The following GPAT4 variants were observed in gnomAD, a reference collection of about 807,000 sequenced individuals.
GPAT4 encodes the protein 1-AGP acyltransferase 6.
A neutral mutation model predicts 58.0 loss-of-function variants in GPAT4; 17 were observed. The ratio of observed to expected loss-of-function variants is 0.29; its 90% CI spans 0.20 to 0.44. The LOEUF is 0.44. Among genes scored for constraint, GPAT4 ranks in the 20% least tolerant of loss-of-function variants. The pLI is 1.00. For missense variants in GPAT4, 377 were observed against 574.5 expected (o/e 0.66, Z 3.51); for synonymous variants, 204 against 210.1 (o/e 0.97, Z 0.25).
At chr8:41,614,104 G>A (rs995150696) in intron 8 of GPAT4, among the ~76,000 whole-genome samples, 9 of 152,226 alleles carry the variant, frequency 5.9e-5, no homozygotes, top group African/African-American at 2.2e-4. Context: ...CCTTGTGGCA[G>A]GTGTCTCTTT....
intron 4 of GPAT4, 133 bp from the exon 5 acceptor site, chr8:41,610,603 A>G: frequency 3.3e-6 from 5 of 1,536,498 alleles, no homozygotes; most frequent in Non-Finnish European, 3.5e-6. Context: ...TTCTAGGTGA[A>G]CTCTGGTCCA....
At chr8:41,601,577 A>G (rs936381747) in intron 2 of GPAT4, among the ~76,000 whole-genome samples, 1 of 152,172 alleles carries the variant, frequency 6.6e-6, no homozygotes, top group African/African-American at 2.4e-5. Flanking sequence ...TTTGTAAGCA[A>G]GTGGTTAATT....
At chr8:41,593,060 T>C (rs1358743927) in intron 1 of GPAT4, among the ~76,000 whole-genome samples, 1 of 152,228 alleles carries the variant, frequency 6.6e-6, no homozygotes, top group African/African-American at 2.4e-5. Context: ...ATATAGCCTT[T>C]TTCCCCATCA....
rs776233376 is a variant in GPAT4 at position 41,610,765 on chromosome 8, T to C, written c.566T>C (p.Leu189Pro). 6.2e-7 allele frequency: 1 copy of C among 1,612,234 alleles called. No homozygotes were observed. The highest frequency in any genetic ancestry group is 8.5e-7 in the Non-Finnish European group (1 of 1,179,102). ...RIALAFTGIS[L>P]LVVGTTVVGY... ...GCACTGGCTTTCACAGGGATTAGCC[T>C]TCTGGTGGTGGGCACAACTGTGGTG... Residue 189 changes from leucine (L) to proline (P), a missense_variant, in exon 5 of 13, where the codon CTT becomes CCT. By Grantham distance (98) the Leu-to-Pro change is moderately conservative (BLOSUM62 -3). Coordinates refer to ENST00000396987, the MANE Select transcript of GPAT4 (RefSeq NM_178819.4).
intron 8 of GPAT4, 102 bp from the exon 9 acceptor site, chr8:41,614,284 A>G: frequency 1.0e-6 from 1 of 998,938 alleles, no homozygotes. Flanking sequence ...TTAACTTTTT[A>G]TAATCGAAAC....
At chr8:41,611,585 C>A (rs1803446211) in intron 5 of GPAT4, among the ~76,000 whole-genome samples, 1 of 152,206 alleles carries the variant, frequency 6.6e-6, no homozygotes, top group Non-Finnish European at 1.5e-5. Context: ...GGAGGTTGGC[C>A]TCTGGCCTTG....
chr8:41,589,755 C>T (rs749534833), intron 1 of GPAT4, among the ~76,000 whole-genome samples: 5 of 152,184 alleles, frequency 3.3e-5, no homozygotes, highest in Non-Finnish European at 7.4e-5. Flanking sequence ...GATCTACACT[C>T]TGGCATGGGG....
intron 2 of GPAT4, among the ~76,000 whole-genome samples, chr8:41,600,581 A>G (rs1803060606): frequency 6.7e-6 from 1 of 150,080 alleles, no homozygotes; most frequent in African/African-American, 2.4e-5. Flanking sequence ...GTCTATAAGC[A>G]TATGGTGTTT....
At chr8:41,620,059 C>G (rs1803703470) in intron 12 of GPAT4, among the ~76,000 whole-genome samples, 1 of 152,230 alleles carries the variant, frequency 6.6e-6, no homozygotes, top group African/African-American at 2.4e-5. Flanking sequence ...ACTTTTAGAG[C>G]TTGAAGGTTT....
At chr8:41,609,144 C>T (rs969399673) in intron 2 of GPAT4, among the ~76,000 whole-genome samples, 7 of 152,192 alleles carry the variant, frequency 4.6e-5, no homozygotes, top group East Asian at 1.9e-4. Context: ...GACAGAGAGA[C>T]GTAGGCAGTG....
rs1803468029 is a variant in GPAT4 at position 41,612,276 on chromosome 8, A to G, written c.795+3A>G. ...CCAGCGATGGCTATTATGCCATGGT[A>G]AGAGCTCTTTCCGGTGCGTTCTTGA... On this transcript the variant is annotated splice_donor_region_variant and intron_variant, in intron 7 of 12. Transcript: ENST00000396987. The G allele has an allele frequency of 6.2e-7, 1 of 1,614,186 alleles. No individual in the cohort carries two copies. Among genetic ancestry groups the G allele is most frequent in the Non-Finnish European group, 8.5e-7 (1 of 1,179,970 alleles).
chr8:41,609,945 C>CTG lies in GPAT4; in HGVS notation c.527_528dup (p.Pro177CysfsTer5). 1 of 1,604,604 alleles carries CTG rather than the reference C, an allele frequency of 6.2e-7. No individual in the cohort carries two copies. The highest frequency in any genetic ancestry group is 8.5e-7 in the Non-Finnish European group (1 of 1,173,998). Reference sequence around the variant, plus strand: ...AGTGCTGATTCGGTACTGCTTTCTGCTGCCGCTCAGGTGAGGCAGGGCCTG... The same window carrying CTG: ...AGTGCTGATTCGGTACTGCTTTCTGCTGTGCCGCTCAGGTGAGGCAGGGCCTG... On this transcript the variant is annotated frameshift_variant, in exon 4 of 13. Coordinates refer to ENST00000396987, the MANE Select transcript of GPAT4 (RefSeq NM_178819.4). LOFTEE classifies it high-confidence loss of function.
intron 10 of GPAT4, among the ~76,000 whole-genome samples, chr8:41,616,917 C>T (rs1421829349): frequency 6.6e-6 from 1 of 152,124 alleles, no homozygotes; most frequent in Non-Finnish European, 1.5e-5. Context: ...CCAGCCATGA[C>T]CTGATGTGAG....
At chr8:41,608,260 C>T (rs1803338967) in intron 2 of GPAT4, among the ~76,000 whole-genome samples, 1 of 152,234 alleles carries the variant, frequency 6.6e-6, no homozygotes, top group Non-Finnish European at 1.5e-5. Flanking sequence ...GTGGTGCAGT[C>T]TTGCTGACCC....
At chr8:41,581,051 A>G (rs537492271) in intron 1 of GPAT4, among the ~76,000 whole-genome samples, 28 of 152,358 alleles carry the variant, frequency 1.8e-4, no homozygotes, top group African/African-American at 6.7e-4. Context: ...TTGTTTGGGT[A>G]AAGTAGAACC....
chr8:41,578,944 C>T (rs1802437335), intron 1 of GPAT4, among the ~76,000 whole-genome samples: 1 of 152,172 alleles, frequency 6.6e-6, no homozygotes, highest in South Asian at 2.1e-4. Context: ...GAAATAAGTT[C>T]CATCCTCTGC....
intron 2 of GPAT4, among the ~76,000 whole-genome samples, chr8:41,607,992 G>A (rs1172990779): frequency 6.6e-6 from 1 of 152,188 alleles, no homozygotes; most frequent in Non-Finnish European, 1.5e-5. Context: ...GAAACCAGAT[G>A]AGATTTACCT....
At chr8:41,604,616 A>G (rs1803206721) in intron 2 of GPAT4, among the ~76,000 whole-genome samples, 1 of 152,238 alleles carries the variant, frequency 6.6e-6, no homozygotes, top group Admixed American at 6.5e-5. Context: ...GGAGAGAAGA[A>G]AGCCTGGATG....
At chr8:41,601,981 G>C (rs1803114381) in intron 2 of GPAT4, among the ~76,000 whole-genome samples, 1 of 152,184 alleles carries the variant, frequency 6.6e-6, no homozygotes, top group Admixed American at 6.5e-5. Context: ...ATGAGACAGA[G>C]TCTTGCTCTT....
Sources: allele counts gnomAD v4.1 joint callset (sites outside exome capture counted in the v4.1 genomes callset), GRCh38; gene constraint gnomAD v4.1.1; transcripts MANE v1.5; gene names NCBI Gene and HGNC (gene_info 2026-07-23, HGNC 2026-07-21).